PPP4R3B: variants seen among roughly 807,000 people sequenced by gnomAD.
The protein encoded by PPP4R3B is serine/threonine-protein phosphatase 4 regulatory subunit 3B.
A neutral mutation model predicts 95.4 loss-of-function variants in PPP4R3B; 52 were observed. The observed-to-expected ratio is 0.54, with a 90% CI of 0.44 to 0.69. The LOEUF is 0.69. Among genes scored for constraint, PPP4R3B ranks in the 30% least tolerant of loss-of-function variants. PPP4R3B has a pLI of 0.00. For synonymous variants in PPP4R3B, 407 were observed against 343.9 expected (o/e 1.18, Z -2.03); for missense variants, 1,003 against 1,005.9 (o/e 1.00, Z 0.04).
intron 12 of PPP4R3B, among the ~76,000 whole-genome samples, chr2:55,570,248 T>C (rs532944199): frequency 6.6e-6 from 1 of 152,280 alleles, no homozygotes; most frequent in South Asian, 2.1e-4. Context: ...AGACTATGTC[T>C]CAAAAAACAA....
At chr2:55,600,834 G>A (rs1268094258) in intron 3 of PPP4R3B, among the ~76,000 whole-genome samples, 4 of 152,112 alleles carry the variant, frequency 2.6e-5, no homozygotes, top group South Asian at 2.1e-4. Flanking sequence ...ATGAAAAAAT[G>A]AGTAATGTAA....
chr2:55,590,598 G>C (rs1287840568), intron 4 of PPP4R3B, among the ~76,000 whole-genome samples: 2 of 152,098 alleles, frequency 1.3e-5, no homozygotes, highest in Non-Finnish European at 2.9e-5. Context: ...ATCAAAATCT[G>C]CTAAAAAAAC....
At chr2:55,578,671 G>A (rs981796332) in intron 9 of PPP4R3B, among the ~76,000 whole-genome samples, 1 of 151,926 alleles carries the variant, frequency 6.6e-6, no homozygotes, top group African/African-American at 2.4e-5. Flanking sequence ...CAACATTCTT[G>A]TACCTGTCAT....
intron 7 of PPP4R3B, among the ~76,000 whole-genome samples, chr2:55,584,593 C>A (rs189800085): frequency 2.0e-5 from 3 of 152,074 alleles, no homozygotes; most frequent in African/African-American, 7.2e-5. Flanking sequence ...TGAGAACATA[C>A]GATGTTTGGT....
rs763476442 is a variant in PPP4R3B, at chr2:55,573,592, T to C, written c.1765+27A>G. 3.3e-6 allele frequency: 5 copies of C among 1,517,234 alleles called. No homozygotes were observed. In the South Asian group the frequency reaches 6.5e-5, roughly 20 times the overall value. The allele number at this position is 1,517,234 out of a possible 1,614,324, so 94.0% of individuals were successfully genotyped here. A position where few individuals can be genotyped will look rare whatever the true frequency, so the allele number is the denominator to read the frequency against. ...TTCAGTTTTATCTCTATTAAAAATG[T>C]TGCTCCTTAAAACATTTTATACTTA... On this transcript the variant is annotated intron_variant, in intron 12 of 16. Coordinates refer to ENST00000616407, the MANE Select transcript of PPP4R3B (RefSeq NM_001122964.3).
intron 11 of PPP4R3B, among the ~76,000 whole-genome samples, chr2:55,574,806 G>A (rs1209992046): frequency 6.6e-6 from 1 of 151,712 alleles, no homozygotes; most frequent in East Asian, 1.9e-4. Flanking sequence ...GTGTTAGCCA[G>A]GATGGTCTCG....
intron 13 of PPP4R3B, chr2:55,565,883 T>C (rs1253231508): frequency 6.6e-6 from 1 of 152,508 alleles, no homozygotes. Context: ...AGGACACGTG[T>C]TACCTAAATA....
chr2:55,570,921 C>T (rs1687914843), intron 12 of PPP4R3B, among the ~76,000 whole-genome samples: 1 of 152,196 alleles, frequency 6.6e-6, no homozygotes, highest in Non-Finnish European at 1.5e-5. Context: ...CACAATTCTA[C>T]ACTGCTGGTA....
At position 55,617,375 on chromosome 2, in the gene PPP4R3B, G is replaced by A. The variant is rs1169508047; in HGVS notation, c.-90C>T. On this transcript the variant is annotated 5_prime_UTR_variant, in exon 1 of 17. Transcript: ENST00000616407. ...CTTAGGAGACGGTAAAGGCAGTAGTGGCGGTGGCGGCGGCGGCGGCTTCGG... is the reference window on the plus strand; with the variant it reads ...CTTAGGAGACGGTAAAGGCAGTAGTAGCGGTGGCGGCGGCGGCGGCTTCGG... 7.3e-7 allele frequency: 1 copy of A among 1,363,550 alleles called. No homozygotes were observed. Among genetic ancestry groups the A allele is most frequent in the African/African-American group, 1.5e-5 (1 of 67,646 alleles). The allele number at this position is 1,363,550 out of a possible 1,614,324, so 84.5% of individuals were successfully genotyped here.
At chr2:55,571,381 T>C (rs1574741084) in intron 12 of PPP4R3B, among the ~76,000 whole-genome samples, 2 of 152,130 alleles carry the variant, frequency 1.3e-5, no homozygotes, top group African/African-American at 4.8e-5. Flanking sequence ...CATCGAAAAG[T>C]ACTATTTAAT....
intron 4 of PPP4R3B, among the ~76,000 whole-genome samples, chr2:55,590,209 C>T (rs1285223649): frequency 1.3e-5 from 2 of 149,778 alleles, no homozygotes; most frequent in East Asian, 2.0e-4. Flanking sequence ...TGCCTGTAAT[C>T]CTAGCTACTA....
At chr2:55,599,334 T>G (rs1692234738) in intron 3 of PPP4R3B, among the ~76,000 whole-genome samples, 1 of 152,004 alleles carries the variant, frequency 6.6e-6, no homozygotes, top group African/African-American at 2.4e-5. Flanking sequence ...GCTACTCAGG[T>G]GGCTGAGGCA....
chr2:55,617,063 G>C (rs1695056542), intron 1 of PPP4R3B, 81 bp downstream of exon 1: 1 of 1,477,744 alleles, frequency 6.8e-7, no homozygotes, highest in South Asian at 1.4e-5. Flanking sequence ...AGTAGCAACG[G>C]TAACGGGCCC....
At chr2:55,585,014 C>T in intron 7 of PPP4R3B, 37 bp downstream of exon 7, 3 of 1,422,430 alleles carry the variant, frequency 2.1e-6, no homozygotes, top group East Asian at 2.3e-5. Flanking sequence ...ACTCACTCTA[C>T]AGGTAATTCA....
chr2:55,563,268 T>C (rs181598916), intron 15 of PPP4R3B, among the ~76,000 whole-genome samples: 2 of 152,368 alleles, frequency 1.3e-5, no homozygotes, highest in East Asian at 3.9e-4. Context: ...AAAGAAAATG[T>C]AATAAATGAA....
At chr2:55,585,296 T>C (rs1341567111) in intron 6 of PPP4R3B, 129 bp from the exon 7 acceptor site, 3 of 535,916 alleles carry the variant, frequency 5.6e-6, no homozygotes, top group Non-Finnish European at 9.6e-6. Flanking sequence ...GCAATCAATG[T>C]GTATAACCTT....
At chr2:55,592,066 T>C (rs1691106857) in intron 4 of PPP4R3B, among the ~76,000 whole-genome samples, 1 of 152,246 alleles carries the variant, frequency 6.6e-6, no homozygotes, top group Non-Finnish European at 1.5e-5. Flanking sequence ...AAGAGGTTGC[T>C]TCTAAACAGT....
chr2:55,568,681 T>C (rs775994579), intron 12 of PPP4R3B, among the ~76,000 whole-genome samples: 8 of 152,258 alleles, frequency 5.3e-5, no homozygotes, highest in Non-Finnish European at 1.0e-4. Flanking sequence ...GTGACAGAGA[T>C]TTAAAAATAT....
chr2:55,615,534 A>C, intron 1 of PPP4R3B, 28 bp from the exon 2 acceptor site: 1 of 1,464,774 alleles, frequency 6.8e-7, no homozygotes, highest in Non-Finnish European at 9.4e-7. Context: ...ATACATCATA[A>C]GTCTCAAATG....
Sources: gnomAD v4.1 joint callset for allele counts (sites outside exome capture counted in the v4.1 genomes callset) on GRCh38, gnomAD v4.1.1 for gene constraint, MANE v1.5 for transcripts, NCBI Gene and HGNC (gene_info 2026-07-23, HGNC 2026-07-21) for gene names.